TAMALIN: variants seen among roughly 807,000 people sequenced by gnomAD.
TAMALIN encodes trafficking regulator and scaffold protein tamalin.
In TAMALIN, 9 loss-of-function variants were observed where a neutral mutation model predicts 38.5. That is an observed-to-expected ratio of 0.23 (90% CI 0.14 to 0.41). The LOEUF is 0.41. Ranked by LOEUF, TAMALIN falls within the 10% of genes least tolerant of loss-of-function variation. The pLI is 1.00. For synonymous variants in TAMALIN, 306 were observed against 256.5 expected (o/e 1.19, Z -1.85); for missense variants, 548 against 554.1 (o/e 0.99, Z 0.11).
In TAMALIN at chr12:52,011,088, TTGTC is replaced by T; in HGVS notation, c.404_407del (p.Val135AlafsTer26). 6.2e-7 allele frequency: 1 copy of T among 1,612,988 alleles called. No homozygotes were observed. The highest frequency in any genetic ancestry group is 8.5e-7 in the Non-Finnish European group (1 of 1,179,932). The stretch of plus-strand genomic sequence containing the variant: ...GAGCAGCGTGTGGAAATGGTGACCT[TTGTC>T]TGCCGAGTTCATGAGTCTAGCCCTG... On this transcript the variant is annotated frameshift_variant, in exon 4 of 8. Coordinates refer to ENST00000293662, the MANE Select transcript of TAMALIN (RefSeq NM_181711.4). LOFTEE classifies it high-confidence loss of function. This position sits in a 1 kb window ranked among gnomAD's most constrained non-coding sequence, Gnocchi z 5.3.
Position 52,013,917 on chromosome 12 carries a change from C to A in TAMALIN, c.589C>A (p.Leu197Met), listed in dbSNP as rs1592273911. ...TGGGACATCAATTCGGAAGGCAGAACTGGAGGCTCGTCTGCAGTACCTGAA... is the reference window on the plus strand; with the variant it reads ...TGGGACATCAATTCGGAAGGCAGAAATGGAGGCTCGTCTGCAGTACCTGAA... ...LYGTSIRKAE[L>M]EARLQYLKQT... Residue 197 changes from leucine (L) to methionine (M), a missense_variant, in exon 6 of 8, where the codon CTG becomes ATG. Physicochemically the swap from Leu to Met is conservative, Grantham distance 15 (BLOSUM62 2). Around this residue, in one of 3 missense-constraint regions of TAMALIN, gnomAD observed 415 missense variants for 417.0 expected, o/e 1.00. Transcript: ENST00000293662. The A allele has an allele frequency of 8.7e-6, 14 of 1,614,170 alleles. No homozygotes were observed. Among genetic ancestry groups the A allele is most frequent in the Non-Finnish European group, 1.2e-5 (14 of 1,180,024 alleles).
In TAMALIN at chr12:52,007,324, C is replaced by T; in HGVS notation, c.246+59C>T. On this transcript the variant is annotated intron_variant, in intron 1 of 7. Transcript: ENST00000293662. The surrounding 1 kb of genome is among the most constrained non-coding windows in gnomAD (Gnocchi z 6.7). ...GCCCCTCTCCGACTCCCTACAGGGC[C>T]TGCTGACTCCGCAGTGCCCTCTCCT... 7.4e-7 allele frequency: 1 copy of T among 1,354,460 alleles called. No individual in the cohort carries two copies. The highest frequency in any genetic ancestry group is 9.5e-7 in the Non-Finnish European group (1 of 1,053,606). The allele number at this position is 1,354,460 out of a possible 1,614,324, so 83.9% of individuals were successfully genotyped here.
At chr12:52,014,259 G>A in intron 7 of TAMALIN, 58 bp downstream of exon 7, 3 of 1,394,530 alleles carry the variant, frequency 2.2e-6, no homozygotes, top group Admixed American at 1.9e-5. Flanking sequence ...CCCCATCTGC[G>A]CTTCCCCCTC....
rs1414779030 is a variant in TAMALIN, at chr12:52,007,640, G to A, written c.246+375G>A. On this transcript the variant is annotated intron_variant, in intron 1 of 7. Transcript: ENST00000293662. The surrounding 1 kb of genome is among the most constrained non-coding windows in gnomAD (Gnocchi z 6.7). Reference sequence around the variant, plus strand: ...GCCCGAGGGACAGAGACAGCCCCAGGCAAGTTGAAGGTCCGAGAGCCCCCG... The same window carrying A: ...GCCCGAGGGACAGAGACAGCCCCAGACAAGTTGAAGGTCCGAGAGCCCCCG... The A allele has an allele frequency of 3.0e-6, 3 of 985,384 alleles. No homozygotes were observed. Among genetic ancestry groups the A allele is most frequent in the Non-Finnish European group, 3.6e-6 (3 of 829,898 alleles). The allele number at this position is 985,384 out of a possible 1,614,324, so 61.0% of individuals were successfully genotyped here. A position where few individuals can be genotyped will look rare whatever the true frequency, so the allele number is the denominator to read the frequency against.
chr12:52,006,951 C>A lies in TAMALIN; in HGVS notation c.-69C>A. The A allele has an allele frequency of 8.7e-7, 1 of 1,153,352 alleles. No homozygotes were observed. The highest frequency in any genetic ancestry group is 1.1e-6 in the Non-Finnish European group (1 of 928,888). 71.4% of individuals were successfully genotyped at this position (1,153,352 alleles called of 1,614,324 possible). A position where few individuals can be genotyped will look rare whatever the true frequency, so the allele number is the denominator to read the frequency against. On this transcript the variant is annotated 5_prime_UTR_variant, in exon 1 of 8. Transcript: ENST00000293662. ...GACCCGCGGCCCGCCCGGCTGGCAT[C>A]CCCCAGCCGCCGCCAGCCCCGCCGA...
At position 52,014,694 on chromosome 12, in the gene TAMALIN, G is replaced by T; in HGVS notation, c.683G>T (p.Gly228Val). 6.7e-7 allele frequency: 1 copy of T among 1,495,312 alleles called. No homozygotes were observed. Among genetic ancestry groups the T allele is most frequent in the Non-Finnish European group, 8.8e-7 (1 of 1,136,806 alleles). The allele number at this position is 1,495,312 out of a possible 1,614,324, so 92.6% of individuals were successfully genotyped here. A position where few individuals can be genotyped will look rare whatever the true frequency, so the allele number is the denominator to read the frequency against. ...CCCTACCTCTCCCGTCTCTGCGCAG[G>T]CCTGGTGGTGAAGGACCCCAGCATC... ...LMVQEQRLVH[G>V]LVVKDPSIYD... is the part of the protein sequence containing the mutation. The change falls in exon 8 of 8, where the codon GGC becomes GTC. Residue 228 changes from glycine (G) to valine (V), a missense_variant and splice_region_variant. Coordinates refer to ENST00000293662, the MANE Select transcript of TAMALIN (RefSeq NM_181711.4).
chr12:52,013,469 A>G, intron 4 of TAMALIN: 1 of 551,424 alleles, frequency 1.8e-6, no homozygotes, highest in East Asian at 3.0e-5. Context: ...CCTGGTAGTC[A>G]CTACAGGCCC....
chr12:52,008,710 A>G, intron 1 of TAMALIN: 2 of 985,346 alleles, frequency 2.0e-6, no homozygotes, highest in Non-Finnish European at 2.4e-6. Flanking sequence ...GTAGCTGAGA[A>G]ATTAGATGGA....
In TAMALIN at chr12:52,014,800, C is replaced by T. The variant is rs1271491371; in HGVS notation, c.789C>T (p.Leu263=). Residue 263 remains leucine (L), a synonymous_variant, in exon 8 of 8, where the codon CTC becomes CTT. Coordinates refer to ENST00000293662, the MANE Select transcript of TAMALIN (RefSeq NM_181711.4). ...GCTCGCTGCCCTTCGGGCCTCTGCT[C>T]GCCGTGCCCGGGCGTCCCCGCGGAG... is the stretch of plus-strand genomic sequence containing the variant. ...LPGSLPFGPL[L]AVPGRPRGGA... 26 of 1,399,690 alleles carry T rather than the reference C, an allele frequency of 1.9e-5. No homozygotes were observed. Among genetic ancestry groups the T allele is most frequent in the East Asian group, 3.0e-5 (1 of 33,064 alleles). 86.7% of individuals were successfully genotyped at this position (1,399,690 alleles called of 1,614,324 possible). A position where few individuals can be genotyped will look rare whatever the true frequency, so the allele number is the denominator to read the frequency against.
intron 2 of TAMALIN, 79 bp from the exon 3 acceptor site, chr12:52,010,802 C>T: frequency 6.8e-7 from 1 of 1,463,986 alleles, no homozygotes; most frequent in Non-Finnish European, 9.6e-7. Context: ...AGACCAGTTG[C>T]CAATATCCAG....
Position 52,007,412 on chromosome 12 carries a change from C to T in TAMALIN, c.246+147C>T, listed in dbSNP as rs1565629357. 1 of 1,270,202 alleles carries T rather than the reference C, an allele frequency of 7.9e-7. No individual in the cohort carries two copies. Among genetic ancestry groups the T allele is most frequent in the Admixed American group, 4.2e-5 (1 of 23,814 alleles). The allele number at this position is 1,270,202 out of a possible 1,614,324, so 78.7% of individuals were successfully genotyped here. A position where few individuals can be genotyped will look rare whatever the true frequency, so the allele number is the denominator to read the frequency against. ...GCTGGGTGCCTCGACTCCCCGCGTT[C>T]CCCGCTGCTGCGAAGGCCGTGGCCC... On this transcript the variant is annotated intron_variant, in intron 1 of 7. Transcript: ENST00000293662. This position sits in a 1 kb window ranked among gnomAD's most constrained non-coding sequence, Gnocchi z 6.7.
In TAMALIN at chr12:52,011,262, C is replaced by A; in HGVS notation, c.454+121C>A. 6.6e-7 allele frequency: 1 copy of A among 1,522,604 alleles called. No homozygotes were observed. Among genetic ancestry groups the A allele is most frequent in the Non-Finnish European group, 8.9e-7 (1 of 1,127,764 alleles). 94.3% of individuals were successfully genotyped at this position (1,522,604 alleles called of 1,614,324 possible). ...CTTCCTTTTCCTTCTTTGAGAAGGC[C>A]AGAAAGAAGAATGGATAGAATCTGG... On this transcript the variant is annotated intron_variant, in intron 4 of 7. Transcript: ENST00000293662. This position sits in a 1 kb window ranked among gnomAD's most constrained non-coding sequence, Gnocchi z 5.3.
At position 52,007,382 on chromosome 12, in the gene TAMALIN, G is replaced by A. The variant is rs916481027; in HGVS notation, c.246+117G>A. 3.2e-6 allele frequency: 4 copies of A among 1,269,216 alleles called. No individual in the cohort carries two copies. The highest frequency in any genetic ancestry group is 6.3e-5 in the East Asian group (2 of 31,790). 78.6% of individuals were successfully genotyped at this position (1,269,216 alleles called of 1,614,324 possible). A position where few individuals can be genotyped will look rare whatever the true frequency, so the allele number is the denominator to read the frequency against. On this transcript the variant is annotated intron_variant, in intron 1 of 7. Transcript: ENST00000293662. This position sits in a 1 kb window ranked among gnomAD's most constrained non-coding sequence, Gnocchi z 6.7. ...CGCGGAGTCCCCCACCTTCTTCCCC[G>A]GCCCGCTGGGTGCCTCGACTCCCCG... is the stretch of plus-strand genomic sequence containing the variant.
intron 4 of TAMALIN, among the ~76,000 whole-genome samples, chr12:52,012,383 A>T (rs1937672077): frequency 6.6e-6 from 1 of 152,178 alleles, no homozygotes; most frequent in South Asian, 2.1e-4. Flanking sequence ...CCTCCCGAGT[A>T]GCTGGGATTA....
At position 52,014,794 on chromosome 12, in the gene TAMALIN, T is replaced by A; in HGVS notation, c.783T>A (p.Pro261=). The change falls in exon 8 of 8, where the codon CCT becomes CCA. Residue 261 remains proline (P), a synonymous_variant. Transcript: ENST00000293662. Reference sequence around the variant, plus strand: ...TCCCGGGCTCGCTGCCCTTCGGGCCTCTGCTCGCCGTGCCCGGGCGTCCCC... The same window carrying A: ...TCCCGGGCTCGCTGCCCTTCGGGCCACTGCTCGCCGTGCCCGGGCGTCCCC... ...GLLPGSLPFG[P]LLAVPGRPRG... 1 of 1,417,500 alleles carries A rather than the reference T, an allele frequency of 7.1e-7. No homozygotes were observed. The allele number at this position is 1,417,500 out of a possible 1,614,324, so 87.8% of individuals were successfully genotyped here.
rs1942440273 is a variant in TAMALIN, at chr12:52,007,793, G to A, written c.246+528G>A. The stretch of plus-strand genomic sequence containing the variant: ...CCGATTCCTGGGCTGGGGGCCTGCC[G>A]CCTGGCCCCACGTCTGACGTACGGG... On this transcript the variant is annotated intron_variant, in intron 1 of 7. Transcript: ENST00000293662. The surrounding 1 kb of genome is among the most constrained non-coding windows in gnomAD (Gnocchi z 6.7). 4 of 985,310 alleles carry A rather than the reference G, an allele frequency of 4.1e-6. No homozygotes were observed. The highest frequency in any genetic ancestry group is 3.5e-5 in the African/African-American group (2 of 57,236). The allele number at this position is 985,310 out of a possible 1,614,324, so 61.0% of individuals were successfully genotyped here.
Position 52,013,709 on chromosome 12 carries a change from T to C in TAMALIN, c.477T>C (p.Asn159=), listed in dbSNP as rs1261923381. Residue 159 remains asparagine (N), a synonymous_variant, in exon 5 of 8, where the codon AAT becomes AAC. Transcript: ENST00000293662. ...CAGGGGACACCATCGCCAGCGTCAA[T>C]GGCCTGAATGTGGAAGGCATCCGGC... The part of the protein sequence containing the change: ...LTPGDTIASV[N]GLNVEGIRHR... 6.2e-7 allele frequency: 1 copy of C among 1,614,176 alleles called. No homozygotes were observed. The highest frequency in any genetic ancestry group is 8.5e-7 in the Non-Finnish European group (1 of 1,180,030).
At chr12:52,008,678 CAGCCCTCCCA>C in intron 1 of TAMALIN, 4 of 985,390 alleles carry the variant, frequency 4.1e-6, no homozygotes, top group Non-Finnish European at 4.8e-6. Context: ...TCCCTGACCC[CAGCCCTCCCA>C]AGCCACTGTC....
At chr12:52,008,406 C>T in intron 1 of TAMALIN, 4 of 974,432 alleles carry the variant, frequency 4.1e-6, no homozygotes, top group Non-Finnish European at 3.7e-6. Flanking sequence ...CATCCTTCCT[C>T]CACACCCCCC....
Sources: gnomAD v4.1 joint callset for allele counts (sites outside exome capture counted in the v4.1 genomes callset) on GRCh38, gnomAD v4.1.1 for gene constraint, gnomAD v4.1.1 regional missense constraint, Gnocchi (gnomAD v3.1) non-coding constraint, MANE v1.5 for transcripts, NCBI Gene and HGNC (gene_info 2026-07-23, HGNC 2026-07-21) for gene names.